Variants in NSD1 observed in about 807,000 individuals in gnomAD.
NSD1 encodes nuclear receptor binding SET domain protein 1.
NSD1 carries 26 observed loss-of-function variants against 242.7 expected under a neutral mutation model. That is an observed-to-expected ratio of 0.11 (90% CI 0.08 to 0.15). The LOEUF is 0.15. Ranked by LOEUF, NSD1 falls within the 10% of genes least tolerant of loss-of-function variation. NSD1 has a pLI of 1.00. For synonymous variants in NSD1, 1,106 were observed against 1,178.1 expected, an observed-to-expected ratio of 0.94 and a Z score of 1.25; for missense variants, 2,495 against 3,272.8, an observed-to-expected ratio of 0.76 and a Z score of 5.80.
At chr5:177,275,534 A>C (rs1758309639) in intron 17 of NSD1, among the ~76,000 whole-genome samples, 1 of 142,688 alleles carries the variant, frequency 7.0e-6, no homozygotes, top group Non-Finnish European at 1.5e-5. Context: ...CCCGGGTTCA[A>C]GCCATTCTCC....
At chr5:177,159,284 T>G (rs989459969) in intron 2 of NSD1, among the ~76,000 whole-genome samples, 10 of 151,162 alleles carry the variant, frequency 6.6e-5, no homozygotes, top group Non-Finnish European at 1.5e-4. Context: ...TTTTTTTTTT[T>G]GTTTGTTTGT....
chr5:177,149,223 TG>T (rs909027762), intron 2 of NSD1, among the ~76,000 whole-genome samples: 2 of 150,978 alleles, frequency 1.3e-5, no homozygotes, highest in African/African-American at 4.9e-5. Context: ...CATTATGTTT[TG>T]TTTTTTTTTT....
intron 5 of NSD1, among the ~76,000 whole-genome samples, chr5:177,217,552 C>G (rs1375092350): frequency 6.6e-6 from 1 of 151,858 alleles, no homozygotes; most frequent in African/African-American, 2.4e-5. Context: ...AGAGGAAAAG[C>G]TTTCAGTGTT....
chr5:177,199,604 CTT>C (rs1361066539), intron 3 of NSD1, among the ~76,000 whole-genome samples: 1 of 151,014 alleles, frequency 6.6e-6, no homozygotes, highest in Non-Finnish European at 1.5e-5. Flanking sequence ...CTTTTCTTTT[CTT>C]TTCTTTTTTT....
chr5:177,230,559 C>G (rs1272160687), intron 5 of NSD1, among the ~76,000 whole-genome samples: 1 of 152,050 alleles, frequency 6.6e-6, no homozygotes, highest in Non-Finnish European at 1.5e-5. Flanking sequence ...GGCGTGGTGG[C>G]TCAAGCCTAT....
chr5:177,211,694 A>C lies in NSD1; in HGVS notation c.3295A>C (p.Ser1099Arg). 1 of 1,614,122 alleles carries C rather than the reference A, an allele frequency of 6.2e-7. No individual in the cohort carries two copies. Among genetic ancestry groups the C allele is most frequent in the South Asian group, 1.1e-5 (1 of 91,076 alleles). The part of the protein sequence containing the change: ...DPLQIMGHLT[S>R]EDGDHFSDVH... ...CCTTCAGATAATGGGCCACTTAACA[A>C]GTGAAGATGGTGACCATTTTTCTGA... Residue 1099 changes from serine (S) to arginine (R), a missense_variant, in exon 5 of 23, where the codon AGT becomes CGT. Ser to Arg is a moderately radical substitution (Grantham distance 110). This residue lies in a region of NSD1 where 426 missense variants were observed against 411.4 expected (regional missense o/e 1.04). Transcript: ENST00000439151.
chr5:177,282,666 C>A, intron 19 of NSD1, 85 bp downstream of exon 19: 1 of 1,038,230 alleles, frequency 9.6e-7, no homozygotes, highest in Non-Finnish European at 1.5e-6. Flanking sequence ...GCATGTAACG[C>A]AGTTCCCAAG....
At position 177,230,402 on chromosome 5, in the gene NSD1, G is replaced by A. The variant is rs140714751; in HGVS notation, c.3797-5419G>A. On this transcript the variant is annotated intron_variant, in intron 5 of 22. Coordinates refer to ENST00000439151, the MANE Select transcript of NSD1 (RefSeq NM_022455.5). ...ACAGAATTTCTCACTTTAATTTCCA[G>A]TCTTTTGTGCTATCTGCTGGTTTCA... Among the ~76,000 whole-genome samples the A allele has an allele frequency of 2.1e-4, 32 of 152,250 alleles. 2 individuals carry two copies. In the East Asian group the frequency reaches 6.2e-3, roughly 29 times the overall value.
intron 2 of NSD1, among the ~76,000 whole-genome samples, chr5:177,186,086 T>C (rs1464958321): frequency 1.8e-5 from 2 of 113,998 alleles, no homozygotes; most frequent in East Asian, 4.4e-4. Flanking sequence ...TATAATATAT[T>C]ATATATAACA....
intron 11 of NSD1, among the ~76,000 whole-genome samples, chr5:177,250,839 A>C (rs1490485743): frequency 3.3e-5 from 5 of 152,138 alleles, no homozygotes. Flanking sequence ...GAGTTCTTGA[A>C]GCTAAAACTT....
rs1015338898 is a variant in NSD1, at chr5:177,227,225, G to A, written c.3797-8596G>A. Among the ~76,000 whole-genome samples the A allele has an allele frequency of 7.2e-5, 11 of 152,250 alleles. No individual in the cohort carries two copies. The East Asian group carries it at 1.4e-3, about 19-fold the overall frequency. On this transcript the variant is annotated intron_variant, in intron 5 of 22. Coordinates refer to ENST00000439151, the MANE Select transcript of NSD1 (RefSeq NM_022455.5). ...TTTGTAGATGTTTGCAATTTTCTGTGATACATCCTTTTTCAGTAGGAATTC... is the reference window on the plus strand; with the variant it reads ...TTTGTAGATGTTTGCAATTTTCTGTAATACATCCTTTTTCAGTAGGAATTC...
intron 3 of NSD1, among the ~76,000 whole-genome samples, chr5:177,200,386 C>T (rs1581277693): frequency 1.3e-5 from 2 of 152,170 alleles, no homozygotes; most frequent in African/African-American, 4.8e-5. Context: ...TGTCCTGCCT[C>T]AGCCTCCCAA....
chr5:177,258,251 A>AT (rs1460121246), intron 13 of NSD1, among the ~76,000 whole-genome samples: 1 of 151,768 alleles, frequency 6.6e-6, no homozygotes, highest in Non-Finnish European at 1.5e-5. Context: ...AAGTGCTGGG[A>AT]TTACAGGTGT....
chr5:177,167,829 T>C (rs995626228), intron 2 of NSD1, among the ~76,000 whole-genome samples: 3 of 152,222 alleles, frequency 2.0e-5, no homozygotes, highest in East Asian at 1.9e-4. Flanking sequence ...TTTCGACTTA[T>C]GATGGGTTAA....
In NSD1 at chr5:177,210,862, C is replaced by T; in HGVS notation, c.2463C>T (p.Gly821=). ...AATGCTGCTCTTCTGATACCAAAGG[C>T]TCTCCTTTGGCCAGCATTTCTAAAA... is the stretch of plus-strand genomic sequence containing the variant. The part of the protein sequence containing the change: ...SLKCCSSDTK[G]SPLASISKSG... Residue 821 remains glycine (G), a synonymous_variant, in exon 5 of 23, where the codon GGC becomes GGT. Transcript: ENST00000439151. 1 of 1,614,180 alleles carries T rather than the reference C, an allele frequency of 6.2e-7. No homozygotes were observed. Among genetic ancestry groups the T allele is most frequent in the Non-Finnish European group, 8.5e-7 (1 of 1,180,038 alleles).
intron 2 of NSD1, among the ~76,000 whole-genome samples, chr5:177,179,929 C>T (rs1288284380): frequency 2.0e-5 from 3 of 151,824 alleles, no homozygotes; most frequent in Admixed American, 2.0e-4. Context: ...TTTTTTGAGA[C>T]TTGCCCTGTC....
At chr5:177,169,069 A>G (rs1315069285) in intron 2 of NSD1, among the ~76,000 whole-genome samples, 5 of 152,130 alleles carry the variant, frequency 3.3e-5, no homozygotes, top group South Asian at 2.1e-4. Context: ...CTTGCATCTC[A>G]TTGATTTGCT....
intron 3 of NSD1, among the ~76,000 whole-genome samples, chr5:177,197,351 A>C (rs887252963): frequency 2.0e-5 from 3 of 151,522 alleles, no homozygotes; most frequent in Non-Finnish European, 4.4e-5. Context: ...GGGCGGGTGC[A>C]GTGGCTCACG....
intron 2 of NSD1, among the ~76,000 whole-genome samples, chr5:177,177,025 A>C (rs1011253936): frequency 1.3e-5 from 2 of 152,228 alleles, no homozygotes; most frequent in Non-Finnish European, 2.9e-5. Flanking sequence ...CAGGTGTCAC[A>C]AATTACTTTC....
Sources: allele counts gnomAD v4.1 joint callset (sites outside exome capture counted in the v4.1 genomes callset), GRCh38; gene constraint gnomAD v4.1.1; regional missense constraint gnomAD v4.1.1; transcripts MANE v1.5; gene names NCBI Gene and HGNC (gene_info 2026-07-23, HGNC 2026-07-21).